The following TMEM178B variants were observed in gnomAD, a reference collection of about 807,000 sequenced individuals.
TMEM178B encodes the protein transmembrane protein 178B.
In TMEM178B, 5 loss-of-function variants were observed where a neutral mutation model predicts 31.0. The observed-to-expected ratio is 0.16, with a 90% CI of 0.08 to 0.34. The LOEUF is 0.34. Among genes scored for constraint, TMEM178B ranks in the 10% least tolerant of loss-of-function variants. The probability of loss-of-function intolerance (pLI) is 1.00; values close to 1 mark genes in which losing one functional copy is unlikely to be tolerated. For missense variants in TMEM178B, 275 were observed against 400.3 expected (o/e 0.69, Z 2.67); for synonymous variants, 164 against 164.0 (o/e 1.00, Z 0.00).
rs184074071 is a variant in TMEM178B at position 141,354,390 on chromosome 7, C to G, written c.497-83218C>G. 2.0e-5 allele frequency among the ~76,000 whole-genome samples: 3 copies of G among 152,310 alleles called. No homozygotes were observed. In the East Asian group the frequency reaches 5.8e-4, roughly 29 times the overall value. On this transcript the variant is annotated intron_variant, in intron 2 of 3. Coordinates refer to ENST00000565468, the MANE Select transcript of TMEM178B (RefSeq NM_001195278.2). ...AGTGCTGAGGCAGTTATGCTATGCACAGTAAGTTCTCTTCCACTTCCTGCC... is the reference window on the plus strand; with the variant it reads ...AGTGCTGAGGCAGTTATGCTATGCAGAGTAAGTTCTCTTCCACTTCCTGCC...
intron 2 of TMEM178B, among the ~76,000 whole-genome samples, chr7:141,363,700 GT>G (rs1338757047): frequency 1.3e-5 from 2 of 152,122 alleles, no homozygotes; most frequent in Non-Finnish European, 2.9e-5. Context: ...GTCTCTTGTA[GT>G]TGCTCATTTG....
chr7:141,113,706 G>A (rs1477618647), intron 1 of TMEM178B, among the ~76,000 whole-genome samples: 2 of 152,168 alleles, frequency 1.3e-5, no homozygotes, highest in Non-Finnish European at 2.9e-5. Context: ...TCAGTCTGAG[G>A]CCGGGGACCA....
At chr7:141,502,126 C>T in the TMEM178B span, among the ~76,000 whole-genome samples, 2 of 146,798 alleles carry the variant, frequency 1.4e-5, no homozygotes, top group Non-Finnish European at 2.9e-5. Context: ...CTTTCCAGTA[C>T]TTACAGCTGT....
the TMEM178B span, among the ~76,000 whole-genome samples, chr7:141,496,850 T>A: frequency 6.6e-6 from 1 of 152,162 alleles, no homozygotes; most frequent in Non-Finnish European, 1.5e-5. Flanking sequence ...GTGTTTGACC[T>A]ATATATTTCC....
At chr7:141,313,303 C>T (rs1027496946) in intron 2 of TMEM178B, among the ~76,000 whole-genome samples, 5 of 152,164 alleles carry the variant, frequency 3.3e-5, no homozygotes, top group African/African-American at 1.2e-4. Context: ...CTGGCAACCA[C>T]TAAGCTGATC....
intron 1 of TMEM178B, among the ~76,000 whole-genome samples, chr7:141,157,809 CCTCT>C (rs1368649320): frequency 6.6e-6 from 1 of 152,182 alleles, no homozygotes; most frequent in African/African-American, 2.4e-5. Context: ...CCTTCTTGCT[CCTCT>C]CTGAGATCCT....
chr7:141,422,807 CCTT>C lies in TMEM178B; in HGVS notation c.497-14798_497-14796del, dbSNP rs1478282948. 6.6e-6 allele frequency among the ~76,000 whole-genome samples: 1 copy of C among 152,132 alleles called. No homozygotes were observed. Among genetic ancestry groups the C allele is most frequent in the Non-Finnish European group, 1.5e-5 (1 of 68,022 alleles). Reference sequence around the variant, plus strand: ...AATGCAAGAAACTGTCACTCACCAACCTTCTGCGTCCATCTCCTGGTCTCTTGT... The same window carrying C: ...AATGCAAGAAACTGTCACTCACCAACCTGCGTCCATCTCCTGGTCTCTTGT... On this transcript the variant is annotated intron_variant, in intron 2 of 3. Coordinates refer to ENST00000565468, the MANE Select transcript of TMEM178B (RefSeq NM_001195278.2). The surrounding 1 kb of genome is among the most constrained non-coding windows in gnomAD (Gnocchi z 4.2).
intron 2 of TMEM178B, among the ~76,000 whole-genome samples, chr7:141,295,208 G>C (rs953952712): frequency 1.3e-5 from 2 of 152,218 alleles, no homozygotes; most frequent in African/African-American, 4.8e-5. Flanking sequence ...AAGGTATCCA[G>C]ATTCCAGAAA....
chr7:141,123,534 C>T (rs1226890158), intron 1 of TMEM178B, among the ~76,000 whole-genome samples: 1 of 152,142 alleles, frequency 6.6e-6, no homozygotes, highest in East Asian at 1.9e-4. Context: ...TGCCTCAGAC[C>T]CAGGGACATG....
At position 141,478,920 on chromosome 7, in the gene TMEM178B, G is replaced by A. The variant is rs1013737322; in HGVS notation, c.*8134G>A. ...TGAAGGCAGGAGTGAGTCTTATTAT[G>A]TTGGCCTAGAGTAGAAAGCACAGAG... On this transcript the variant is annotated 3_prime_UTR_variant, in exon 4 of 4. Transcript: ENST00000565468. 6.6e-6 allele frequency: 1 copy of A among 152,176 alleles called. No homozygotes were observed. Among genetic ancestry groups the A allele is most frequent in the Admixed American group, 6.5e-5 (1 of 15,284 alleles). The allele number at this position is 152,176 out of a possible 1,614,324, so 9.4% of individuals were successfully genotyped here. A position where few individuals can be genotyped will look rare whatever the true frequency, so the allele number is the denominator to read the frequency against.
At chr7:141,376,753 C>A (rs1405063892) in intron 2 of TMEM178B, among the ~76,000 whole-genome samples, 2 of 152,152 alleles carry the variant, frequency 1.3e-5, no homozygotes, top group African/African-American at 2.4e-5. Flanking sequence ...AGACATTCTG[C>A]AGGACTACTG....
Position 141,268,270 on chromosome 7 carries a change from C to T in TMEM178B, c.496+55566C>T, listed in dbSNP as rs935823359. 4.0e-4 allele frequency among the ~76,000 whole-genome samples: 61 copies of T among 152,272 alleles called. 1 individual carries two copies. Among genetic ancestry groups the T allele is most frequent in the African/African-American group, 1.4e-3 (59 of 41,548 alleles). On this transcript the variant is annotated intron_variant, in intron 2 of 3. Transcript: ENST00000565468. Reference sequence around the variant, plus strand: ...CTGTTAAAATTGAAGCAAGAACAAGCATCAAATTTATGGTGAAACTTGAGC... The same window carrying T: ...CTGTTAAAATTGAAGCAAGAACAAGTATCAAATTTATGGTGAAACTTGAGC...
chr7:141,152,345 C>T (rs1002536582), intron 1 of TMEM178B, among the ~76,000 whole-genome samples: 6 of 152,262 alleles, frequency 3.9e-5, no homozygotes, highest in African/African-American at 1.4e-4. Context: ...TGGTGGGCAC[C>T]GTCTCTGGGA....
the TMEM178B span, among the ~76,000 whole-genome samples, chr7:141,489,159 T>A: frequency 1.3e-5 from 2 of 152,252 alleles, no homozygotes; most frequent in Non-Finnish European, 2.9e-5. Flanking sequence ...GGCATTCTCT[T>A]CTTTGTGCTG....
chr7:141,306,621 G>A (rs1442430407), intron 2 of TMEM178B, among the ~76,000 whole-genome samples: 3 of 141,852 alleles, frequency 2.1e-5, no homozygotes, highest in African/African-American at 7.7e-5. Context: ...CTGAGAGTCT[G>A]TTTTTTTTTT....
At chr7:141,126,527 C>A (rs201897658) in intron 1 of TMEM178B, among the ~76,000 whole-genome samples, 7 of 152,204 alleles carry the variant, frequency 4.6e-5, no homozygotes, top group Non-Finnish European at 1.0e-4. Context: ...ATGTTACCCT[C>A]AAACCTGACC....
intron 2 of TMEM178B, chr7:141,351,992 G>A (rs1329501964): frequency 1.3e-5 from 2 of 152,712 alleles, no homozygotes; most frequent in Non-Finnish European, 2.9e-5. Flanking sequence ...AGAGAGCTGG[G>A]ACAAGGATGT....
At chr7:141,483,342 A>G (rs932637343), downstream of TMEM178B, among the ~76,000 whole-genome samples, 1 of 152,096 alleles carries the variant, frequency 6.6e-6, no homozygotes, top group East Asian at 1.9e-4. Flanking sequence ...TTCCCTCTAC[A>G]GACAAATCCA....
chr7:141,245,999 AT>A (rs35792990), intron 2 of TMEM178B, among the ~76,000 whole-genome samples: 107 of 148,542 alleles, frequency 7.2e-4, no homozygotes, highest in African/African-American at 1.6e-3. Flanking sequence ...AAATGATGCG[AT>A]TTTTTTTTTT....
Sources: gnomAD v4.1 joint callset for allele counts (sites outside exome capture counted in the v4.1 genomes callset) on GRCh38, gnomAD v4.1.1 for gene constraint, Gnocchi (gnomAD v3.1) non-coding constraint, MANE v1.5 for transcripts, NCBI Gene and HGNC (gene_info 2026-07-23, HGNC 2026-07-21) for gene names.